Variants in BFSP1 observed in about 807,000 individuals in gnomAD.
BFSP1 encodes beaded filament structural protein 1.
BFSP1 carries 38 observed loss-of-function variants against 43.9 expected under a neutral mutation model. That is an observed-to-expected ratio of 0.87 (90% CI 0.67 to 1.14). The LOEUF (loss-of-function observed/expected upper bound fraction) is 1.14, where lower values mean the gene tolerates loss of function less well. BFSP1 is among the 50% of genes most tolerant of loss of function. The pLI is 0.00. For synonymous variants in BFSP1, 352 were observed against 354.8 expected (o/e 0.99, Z 0.09); for missense variants, 850 against 875.1 (o/e 0.97, Z 0.36).
intron 2 of BFSP1, chr20:17,516,877 C>T: frequency 4.5e-6 from 3 of 666,202 alleles, no homozygotes. Context: ...ACAGGGAAGA[C>T]CATCACCCTC....
upstream of BFSP1, chr20:17,560,735 T>C (rs1463037118): frequency 1.3e-5 from 2 of 152,276 alleles, no homozygotes; most frequent in Non-Finnish European, 1.5e-5. Context: ...GGCGCTTTGC[T>C]GGTTCTGAGT....
upstream of BFSP1, among the ~76,000 whole-genome samples, chr20:17,561,764 T>C (rs1324436481): frequency 6.6e-6 from 1 of 152,198 alleles, no homozygotes; most frequent in Non-Finnish European, 1.5e-5. Flanking sequence ...ATCCTTGCAC[T>C]GGATTTGCTT....
In BFSP1 at chr20:17,494,972, G is replaced by A. The variant is rs761742869; in HGVS notation, c.1100C>T (p.Pro367Leu). ...TAAKPRQKAL[P>L]KNVPRRKEII... ...CTCTTTTCTCCTTGGAACATTCTTG[G>A]GGAGGGCTTTTTGTCTTGGTTTTGC... is the stretch of plus-strand genomic sequence containing the variant. Residue 367 changes from proline to leucine, a missense_variant, in exon 8 of 8, where the codon CCC becomes CTC. Transcript: ENST00000377873. 3.6e-5 allele frequency: 58 copies of A among 1,613,876 alleles called. No homozygotes were observed. The East Asian group carries it at 1.2e-3, about 35-fold the overall frequency.
chr20:17,553,048 A>C (rs1224121557), intron 1 of BFSP1, among the ~76,000 whole-genome samples: 1 of 152,222 alleles, frequency 6.6e-6, no homozygotes, highest in Non-Finnish European at 1.5e-5. Flanking sequence ...CTTAGTATGC[A>C]TGGGGACTCT....
intron 1 of BFSP1, among the ~76,000 whole-genome samples, chr20:17,542,658 A>G (rs2034737893): frequency 6.6e-6 from 1 of 152,166 alleles, no homozygotes; most frequent in Admixed American, 6.6e-5. Context: ...CCTATGAATA[A>G]TACCATATCT....
At chr20:17,532,404 CAAA>C (rs531941557), upstream of BFSP1, among the ~76,000 whole-genome samples, 8 of 61,332 alleles carry the variant, frequency 1.3e-4, no homozygotes, top group Admixed American at 7.3e-4. Context: ...GACTCCGTCT[CAAA>C]AAAAAAAAAA....
intron 1 of BFSP1, among the ~76,000 whole-genome samples, chr20:17,551,991 GA>G (rs984888855): frequency 6.7e-6 from 1 of 149,544 alleles, no homozygotes; most frequent in Non-Finnish European, 1.5e-5. Flanking sequence ...CTCTCAAAAA[GA>G]AAAAAAAAGA....
chr20:17,500,689 T>C (rs1252181626), intron 5 of BFSP1, among the ~76,000 whole-genome samples: 2 of 152,182 alleles, frequency 1.3e-5, no homozygotes, highest in Non-Finnish European at 1.5e-5. Context: ...TGACGCCGCA[T>C]TACCCCAGCC....
intron 1 of BFSP1, among the ~76,000 whole-genome samples, chr20:17,566,691 G>A (rs1385565439): frequency 6.6e-6 from 1 of 152,142 alleles, no homozygotes; most frequent in Non-Finnish European, 1.5e-5. Flanking sequence ...GTCTCGCTCT[G>A]TTGCCCAGGA....
chr20:17,553,606 T>G (rs1025987225), intron 1 of BFSP1, among the ~76,000 whole-genome samples: 1 of 151,700 alleles, frequency 6.6e-6, no homozygotes, highest in African/African-American at 2.4e-5. Context: ...TGCTGATAAG[T>G]GCTTCAAAAA....
intron 1 of BFSP1, among the ~76,000 whole-genome samples, chr20:17,551,150 C>G (rs2034889989): frequency 6.6e-6 from 1 of 152,154 alleles, no homozygotes; most frequent in Non-Finnish European, 1.5e-5. Flanking sequence ...ATACCTTAGA[C>G]TGGGTAATTT....
chr20:17,551,653 C>G lies in BFSP1; in HGVS notation c.2+7035G>C, dbSNP rs2034897173. Reference sequence around the variant, plus strand: ...TATGTATTGACAACCTACCCTGTGCCAACACTCTTCTGGGCCTTGGGATAC... The same window carrying G: ...TATGTATTGACAACCTACCCTGTGCGAACACTCTTCTGGGCCTTGGGATAC... On this transcript the variant is annotated intron_variant, in intron 1 of 7. Coordinates refer to the BFSP1 transcript ENST00000377868. Among the ~76,000 whole-genome samples the G allele has an allele frequency of 2.0e-5, 3 of 152,078 alleles. No individual in the cohort carries two copies. In the East Asian group the frequency reaches 5.8e-4, roughly 29 times the overall value.
chr20:17,520,217 C>CCCG (rs1568696479), intron 2 of BFSP1, among the ~76,000 whole-genome samples: 1 of 142,980 alleles, frequency 7.0e-6, no homozygotes, highest in South Asian at 2.4e-4. Flanking sequence ...CGTGCCCCCC[C>CCCG]ACCCCGCCCA....
intron 7 of BFSP1, among the ~76,000 whole-genome samples, chr20:17,495,622 G>A (rs1310400065): frequency 6.6e-6 from 1 of 152,126 alleles, no homozygotes; most frequent in Non-Finnish European, 1.5e-5. Flanking sequence ...CTTCCTCCCA[G>A]GCCAAGAGAA....
At chr20:17,560,143 C>A (rs769544066), upstream of BFSP1, among the ~76,000 whole-genome samples, 26 of 152,018 alleles carry the variant, frequency 1.7e-4, no homozygotes, top group Non-Finnish European at 3.1e-4. Flanking sequence ...TAAGCCAGAG[C>A]AGACCCCAAA....
At chr20:17,523,456 A>C (rs2269051) in intron 2 of BFSP1, among the ~76,000 whole-genome samples, 75,571 of 151,390 alleles carry the variant, frequency 0.5, 19,935 homozygotes, top group African/African-American at 0.68. Context: ...GAGGTTGCAC[A>C]AAACAGAAGA....
chr20:17,540,564 C>T (rs2034699168), intron 1 of BFSP1, among the ~76,000 whole-genome samples: 1 of 152,122 alleles, frequency 6.6e-6, no homozygotes. Flanking sequence ...TAGACTGCAG[C>T]TCTTTGAGGG....
chr20:17,561,647 A>G (rs1600689262), upstream of BFSP1, among the ~76,000 whole-genome samples: 1 of 152,198 alleles, frequency 6.6e-6, no homozygotes, highest in African/African-American at 2.4e-5. Context: ...ACAAAATGCT[A>G]TATTTTATAA....
chr20:17,558,644 G>A, intron 1 of BFSP1: 1 of 1,542,952 alleles, frequency 6.5e-7, no homozygotes, highest in Non-Finnish European at 8.8e-7. Flanking sequence ...AAGAAAAAAT[G>A]CTAAACCTAG....
Sources: allele counts gnomAD v4.1 joint callset (sites outside exome capture counted in the v4.1 genomes callset), GRCh38; gene constraint gnomAD v4.1.1; transcripts MANE v1.5; gene names NCBI Gene and HGNC (gene_info 2026-07-23, HGNC 2026-07-21).